Variants in DDX19A observed in about 807,000 individuals in gnomAD.
DDX19A encodes ATP-dependent RNA helicase DDX19A.
In DDX19A, 12 loss-of-function variants were observed where a neutral mutation model predicts 60.6. The observed-to-expected ratio is 0.20, with a 90% CI of 0.13 to 0.32. The LOEUF (loss-of-function observed/expected upper bound fraction) is 0.32. Ranked by LOEUF, DDX19A falls within the 10% of genes least tolerant of loss-of-function variation. DDX19A has a pLI of 1.00. For synonymous variants in DDX19A, 206 were observed against 218.2 expected (o/e 0.94, Z 0.49); for missense variants, 337 against 600.6 (o/e 0.56, Z 4.59).
chr16:70,349,631 T>G (rs891529306), intron 1 of DDX19A, among the ~76,000 whole-genome samples: 3 of 152,188 alleles, frequency 2.0e-5, no homozygotes, highest in Non-Finnish European at 4.4e-5. Context: ...GTCAGAGGTA[T>G]AAAACTGGCA....
At chr16:70,348,397 G>A (rs912531255) in intron 1 of DDX19A, among the ~76,000 whole-genome samples, 17 of 151,918 alleles carry the variant, frequency 1.1e-4, no homozygotes, top group African/African-American at 3.4e-4. Flanking sequence ...AGGCCGAGGC[G>A]GGCAGATCAC....
chr16:70,365,810 G>A, intron 7 of DDX19A: 1 of 518,952 alleles, frequency 1.9e-6, no homozygotes, highest in South Asian at 2.1e-5. Flanking sequence ...CATAAAAAGA[G>A]TTGGATGATG....
At chr16:70,368,069 C>T (rs1422320492) in intron 9 of DDX19A, among the ~76,000 whole-genome samples, 1 of 152,078 alleles carries the variant, frequency 6.6e-6, no homozygotes, top group Admixed American at 6.6e-5. Context: ...CTCAGCTACT[C>T]GGAAGACTGA....
At chr16:70,368,580 ACT>A (rs1449395181) in intron 9 of DDX19A, among the ~76,000 whole-genome samples, 1 of 140,014 alleles carries the variant, frequency 7.1e-6, no homozygotes, top group Non-Finnish European at 1.5e-5. Context: ...GCCAAAAAAT[ACT>A]CTTTTTTTTT....
At chr16:70,355,099 G>C (rs1336912062) in intron 2 of DDX19A, among the ~76,000 whole-genome samples, 1 of 152,016 alleles carries the variant, frequency 6.6e-6, no homozygotes, top group Non-Finnish European at 1.5e-5. Flanking sequence ...CAGGCTGGAC[G>C]CTGTGGCTCA....
At chr16:70,361,396 C>T (rs371160559) in intron 4 of DDX19A, 22 bp from the exon 5 acceptor site, 84 of 1,570,000 alleles carry the variant, frequency 5.4e-5, no homozygotes, top group Non-Finnish European at 6.9e-5. Context: ...GGCATCCATC[C>T]TCTGTCTTCC....
intron 7 of DDX19A, chr16:70,365,381 T>C: frequency 3.5e-6 from 1 of 286,436 alleles, no homozygotes; most frequent in Non-Finnish European, 6.6e-6. Context: ...TATCTAGAGT[T>C]CTTCGCTCAG....
At chr16:70,368,809 G>T (rs1228747557) in intron 9 of DDX19A, among the ~76,000 whole-genome samples, 1 of 152,094 alleles carries the variant, frequency 6.6e-6, no homozygotes, top group African/African-American at 2.4e-5. Context: ...AAATCTAGAA[G>T]AATTTCCTCA....
intron 6 of DDX19A, 41 bp from the exon 7 acceptor site, chr16:70,364,976 A>C (rs1418872381): frequency 1.9e-6 from 3 of 1,545,618 alleles, no homozygotes; most frequent in Non-Finnish European, 2.7e-6. Flanking sequence ...TCTGTTACCA[A>C]ATGGCTCTCC....
At chr16:70,360,149 T>C (rs1450707836) in intron 4 of DDX19A, among the ~76,000 whole-genome samples, 2 of 151,842 alleles carry the variant, frequency 1.3e-5, no homozygotes, top group Non-Finnish European at 2.9e-5. Context: ...GGTGTGGCAG[T>C]ATGCGCCTGT....
chr16:70,360,950 C>T (rs959734609), intron 4 of DDX19A: 4 of 175,788 alleles, frequency 2.3e-5, no homozygotes, highest in Admixed American at 6.3e-5. Context: ...ACCATGTTGC[C>T]CAGGCTGTTC....
chr16:70,358,455 C>G (rs1279336167), intron 4 of DDX19A, among the ~76,000 whole-genome samples: 1 of 151,566 alleles, frequency 6.6e-6, no homozygotes, highest in African/African-American at 2.4e-5. Flanking sequence ...CAGGTGTGAG[C>G]CACTGCACCT....
intron 1 of DDX19A, among the ~76,000 whole-genome samples, chr16:70,348,775 A>G (rs189715232): frequency 6.6e-6 from 1 of 152,080 alleles, no homozygotes; most frequent in East Asian, 1.9e-4. Flanking sequence ...CCCCATTTCT[A>G]CAAAAATACA....
At chr16:70,347,405 A>T in intron 1 of DDX19A, 1 of 273,304 alleles carries the variant, frequency 3.7e-6, no homozygotes, top group Non-Finnish European at 7.1e-6. Context: ...TCTGTATTTA[A>T]CATTTCTTAG....
At chr16:70,352,760 C>G (rs1964062646) in intron 2 of DDX19A, among the ~76,000 whole-genome samples, 1 of 151,676 alleles carries the variant, frequency 6.6e-6, no homozygotes, top group Non-Finnish European at 1.5e-5. Flanking sequence ...CTTCAGCCTT[C>G]CAAGTAGCTG....
At chr16:70,371,331 C>T in intron 10 of DDX19A, 41 bp from the exon 11 acceptor site, 2 of 1,614,166 alleles carry the variant, frequency 1.2e-6, no homozygotes, top group Non-Finnish European at 1.7e-6. Context: ...TTTCTGTCTC[C>T]TGTCCTTAGT....
intron 9 of DDX19A, among the ~76,000 whole-genome samples, chr16:70,369,337 G>A (rs1405038066): frequency 5.9e-5 from 9 of 151,586 alleles, no homozygotes; most frequent in East Asian, 1.9e-4. Context: ...ATGCCACCAC[G>A]CCCAGCTAAT....
At position 70,372,398 on chromosome 16, in the gene DDX19A, C is replaced by T. The variant is rs2047288710; in HGVS notation, c.*412C>T. On this transcript the variant is annotated 3_prime_UTR_variant, in exon 12 of 12. Coordinates refer to ENST00000302243, the MANE Select transcript of DDX19A (RefSeq NM_018332.5). ...TGGTGTGAGCCCCACCGCTGTGCAT[C>T]GAATGAGGGAAGTGGCAGCAGAGAG... 1 of 243,482 alleles carries T rather than the reference C, an allele frequency of 4.1e-6. No individual in the cohort carries two copies. The highest frequency in any genetic ancestry group is 8.1e-6 in the Non-Finnish European group (1 of 124,046). 15.1% of individuals were successfully genotyped at this position (243,482 alleles called of 1,614,324 possible). A position where few individuals can be genotyped will look rare whatever the true frequency, so the allele number is the denominator to read the frequency against.
intron 3 of DDX19A, 59 bp from the exon 4 acceptor site, chr16:70,356,053 C>T (rs1964175371): frequency 2.5e-6 from 4 of 1,606,042 alleles, no homozygotes; most frequent in Admixed American, 1.7e-5. Flanking sequence ...GAAAGAGTGG[C>T]TTCATAAGCC....
Sources: gnomAD v4.1 joint callset for allele counts (sites outside exome capture counted in the v4.1 genomes callset) on GRCh38, gnomAD v4.1.1 for gene constraint, MANE v1.5 for transcripts, NCBI Gene and HGNC (gene_info 2026-07-23, HGNC 2026-07-21) for gene names.